The following ANKRD18B variants were observed in gnomAD, a reference collection of about 807,000 sequenced individuals.
ANKRD18B encodes the protein ankyrin repeat domain-containing protein 18B.
In ANKRD18B, 75 loss-of-function variants were observed where a neutral mutation model predicts 111.8. That is an observed-to-expected ratio of 0.67 (90% CI 0.56 to 0.81). ANKRD18B has a LOEUF of 0.81. Ranked by LOEUF, ANKRD18B falls within the 40% of genes least tolerant of loss-of-function variation. The pLI, the probability that ANKRD18B is intolerant of heterozygous loss-of-function variation, is 0.00. For missense variants in ANKRD18B, 1,038 were observed against 1,225.5 expected (o/e 0.85, Z 2.28); for synonymous variants, 356 against 417.3 (o/e 0.85, Z 1.79).
At chr9:33,542,852 A>T (rs1455971394) in intron 9 of ANKRD18B, among the ~76,000 whole-genome samples, 1 of 152,174 alleles carries the variant, frequency 6.6e-6, no homozygotes, top group Non-Finnish European at 1.5e-5. Context: ...AGCAGAGAAT[A>T]GTAAAGTGTT....
chr9:33,544,547 T>G (rs1828328013), intron 10 of ANKRD18B, among the ~76,000 whole-genome samples: 1 of 152,066 alleles, frequency 6.6e-6, no homozygotes, highest in African/African-American at 2.4e-5. Flanking sequence ...CCTTTAAAAT[T>G]CATTACAATT....
chr9:33,530,697 A>G (rs1186421310), intron 3 of ANKRD18B, among the ~76,000 whole-genome samples: 3 of 152,224 alleles, frequency 2.0e-5, no homozygotes, highest in Non-Finnish European at 2.9e-5. Context: ...TTCCAATAAC[A>G]TTAAACTGAC....
chr9:33,534,907 C>G (rs546025535), intron 5 of ANKRD18B, among the ~76,000 whole-genome samples: 1 of 147,540 alleles, frequency 6.8e-6, no homozygotes. Flanking sequence ...GCCTTGGCCT[C>G]GCAAACTGCT....
At chr9:33,560,951 C>T (rs1408684121) in intron 14 of ANKRD18B, among the ~76,000 whole-genome samples, 1 of 152,116 alleles carries the variant, frequency 6.6e-6, no homozygotes, top group African/African-American at 2.4e-5. Context: ...GGCTACAGAA[C>T]AAGACTCCGT....
chr9:33,548,024 A>G lies in ANKRD18B; in HGVS notation c.1236A>G (p.Leu412=). The change falls in exon 11 of 19, where the codon TTA becomes TTG. Residue 412 remains leucine (L), a synonymous_variant. Coordinates refer to ENST00000684830, the MANE Select transcript of ANKRD18B (RefSeq NM_001393611.1). ...ACATTGCCATGCTCAAAGAGGAATT[A>G]TATGCAATAAAAAATGACAGTCTCA... The part of the protein sequence containing the change: ...KRDIAMLKEE[L]YAIKNDSLRK... The G allele has an allele frequency of 6.5e-7, 1 of 1,528,174 alleles. No homozygotes were observed. Among genetic ancestry groups the G allele is most frequent in the Non-Finnish European group, 8.8e-7 (1 of 1,140,048 alleles). The allele number at this position is 1,528,174 out of a possible 1,614,324, so 94.7% of individuals were successfully genotyped here. A position where few individuals can be genotyped will look rare whatever the true frequency, so the allele number is the denominator to read the frequency against.
chr9:33,548,378 T>G lies in ANKRD18B; in HGVS notation c.1590T>G (p.Gly530=), dbSNP rs1438256006. ...ATGTTTCTAGACATGAAACAATGGG[T>G]TCTAATATTTCTCAACTAACAGATA... ...ADDVSRHETM[G]SNISQLTDKN... Residue 530 remains glycine (G), a synonymous_variant, in exon 11 of 19, where the codon GGT becomes GGG. Transcript: ENST00000684830. The G allele has an allele frequency of 8.4e-6, 13 of 1,550,344 alleles. No homozygotes were observed. The highest frequency in any genetic ancestry group is 1.1e-5 in the Non-Finnish European group (13 of 1,146,416).
At position 33,569,351 on chromosome 9, in the gene ANKRD18B, G is replaced by A. The variant is rs113081289; in HGVS notation, c.3177+458G>A. ...ATGATCTCAGCTAATTGCAACCTCC[G>A]CCTCCTGGGTTCAAGTGATTCTCTT... On this transcript the variant is annotated intron_variant, in intron 17 of 18. Transcript: ENST00000684830. Among the ~76,000 whole-genome samples the A allele has an allele frequency of 3.0e-3, 430 of 142,512 alleles. 5 individuals are homozygous for A. Among genetic ancestry groups the A allele is most frequent in the African/African-American group, 0.011 (411 of 38,242 alleles). The allele number at this position is 142,512 out of a possible 152,430, so 93.5% of individuals were successfully genotyped here.
At chr9:33,537,050 A>C (rs1828212564) in intron 6 of ANKRD18B, 105 bp downstream of exon 6, 1 of 809,554 alleles carries the variant, frequency 1.2e-6, no homozygotes, top group African/African-American at 1.8e-5. Context: ...TAATCCCAGC[A>C]CTTTGGGAGG....
intron 10 of ANKRD18B, among the ~76,000 whole-genome samples, chr9:33,545,363 G>T (rs1487722160): frequency 4.6e-5 from 7 of 152,174 alleles, no homozygotes; most frequent in Admixed American, 1.3e-4. Flanking sequence ...AAATTAGTCA[G>T]TAGACATTGG....
intron 14 of ANKRD18B, among the ~76,000 whole-genome samples, chr9:33,564,586 C>G (rs1828658063): frequency 6.6e-6 from 1 of 152,182 alleles, no homozygotes; most frequent in Non-Finnish European, 1.5e-5. Flanking sequence ...GATCCCTCAG[C>G]AGTTCCATTG....
intron 4 of ANKRD18B, 176 bp downstream of exon 4, chr9:33,533,721 A>T (rs2117995696): frequency 7.7e-7 from 1 of 1,303,842 alleles, no homozygotes; most frequent in Non-Finnish European, 1.0e-6. Context: ...AAGCAACATA[A>T]AAAACAGTAT....
chr9:33,556,659 G>T (rs889569360), intron 13 of ANKRD18B, among the ~76,000 whole-genome samples: 1 of 152,094 alleles, frequency 6.6e-6, no homozygotes, highest in African/African-American at 2.4e-5. Context: ...AGATATTTTT[G>T]CTGTATTTGG....
intron 1 of ANKRD18B, among the ~76,000 whole-genome samples, chr9:33,527,541 T>G (rs1192382865): frequency 6.6e-6 from 1 of 152,176 alleles, no homozygotes; most frequent in Non-Finnish European, 1.5e-5. Context: ...AGGCTGGTCT[T>G]GAACTCCTGA....
Position 33,566,217 on chromosome 9 carries a change from A to T in ANKRD18B, c.2461-2A>T, listed in dbSNP as rs1443740744. On this transcript the variant is annotated splice_acceptor_variant, in intron 14 of 18. Transcript: ENST00000684830. LOFTEE classifies it high-confidence loss of function. ...TCAAGCTCTATTATTTTATTAATGC[A>T]GTTTGATGATCTTATGGCCGAGAAG... The T allele has an allele frequency of 6.5e-7, 1 of 1,549,372 alleles. No individual in the cohort carries two copies. The highest frequency in any genetic ancestry group is 8.7e-7 in the Non-Finnish European group (1 of 1,145,884).
intron 11 of ANKRD18B, 29 bp from the exon 12 acceptor site, chr9:33,550,401 T>G (rs1179637562): frequency 6.6e-7 from 1 of 1,517,808 alleles, no homozygotes; most frequent in Non-Finnish European, 8.8e-7. Context: ...AGGCACTTTA[T>G]AAAATTGGTA....
chr9:33,545,178 T>A lies in ANKRD18B; in HGVS notation c.1149+1923T>A, dbSNP rs184261940. 1.7e-3 allele frequency among the ~76,000 whole-genome samples: 256 copies of A among 152,318 alleles called. 2 individuals are homozygous for A. The highest frequency in any genetic ancestry group is 8.2e-4 in the Non-Finnish European group (56 of 68,030). On this transcript the variant is annotated intron_variant, in intron 10 of 18. Coordinates refer to ENST00000684830, the MANE Select transcript of ANKRD18B (RefSeq NM_001393611.1). ...TGAAAATAGATCAGACTGTAAAGAT[T>A]GTAACAAACCAGACATGCAGCCTGT...
chr9:33,570,807 T>G (rs907377865), intron 17 of ANKRD18B, among the ~76,000 whole-genome samples: 2 of 152,020 alleles, frequency 1.3e-5, no homozygotes, highest in African/African-American at 4.8e-5. Flanking sequence ...CCAGCTAATT[T>G]TTGTATTTTT....
intron 8 of ANKRD18B, among the ~76,000 whole-genome samples, chr9:33,540,480 A>G (rs1425354709): frequency 1.3e-5 from 2 of 152,224 alleles, no homozygotes; most frequent in Non-Finnish European, 2.9e-5. Context: ...GGGTATTGGG[A>G]TAATAAATAT....
intron 10 of ANKRD18B, 100 bp downstream of exon 10, chr9:33,543,355 T>C: frequency 2.1e-6 from 2 of 971,516 alleles, no homozygotes; most frequent in South Asian, 4.0e-5. Flanking sequence ...ACTATCCTTT[T>C]AGAATCCAAC....
Sources: gnomAD v4.1 joint callset for allele counts (sites outside exome capture counted in the v4.1 genomes callset) on GRCh38, gnomAD v4.1.1 for gene constraint, MANE v1.5 for transcripts, NCBI Gene and HGNC (gene_info 2026-07-23, HGNC 2026-07-21) for gene names.